LINGO2: variants seen among roughly 807,000 people sequenced by gnomAD.
LINGO2 encodes leucine-rich repeat and immunoglobulin-like domain-containing nogo receptor-interacting protein 2.
A neutral mutation model predicts 30.6 loss-of-function variants in LINGO2; 14 were observed. That is an observed-to-expected ratio of 0.46 (90% CI 0.30 to 0.72). LINGO2 has a LOEUF of 0.72. Among genes scored for constraint, LINGO2 ranks in the 30% least tolerant of loss-of-function variants. The probability of loss-of-function intolerance (pLI) is 0.07; values close to 1 mark genes in which losing one functional copy is unlikely to be tolerated. For synonymous variants in LINGO2, 317 were observed against 288.5 expected (o/e 1.10, Z -1.00); for missense variants, 729 against 751.7 (o/e 0.97, Z 0.35).
At chr9:28,377,658 G>A (rs985496008) in intron 2 of LINGO2, among the ~76,000 whole-genome samples, 2 of 152,060 alleles carry the variant, frequency 1.3e-5, no homozygotes, top group African/African-American at 4.8e-5. Flanking sequence ...CTCATTCCAA[G>A]GTTACTGTGA....
chr9:28,268,122 A>G (rs894958908), intron 4 of LINGO2, among the ~76,000 whole-genome samples: 6 of 152,062 alleles, frequency 3.9e-5, no homozygotes, highest in Non-Finnish European at 5.9e-5. Flanking sequence ...GCATATAGGC[A>G]CTTTAAAAAT....
chr9:28,981,543 G>A, the LINGO2 span, among the ~76,000 whole-genome samples: 1 of 152,064 alleles, frequency 6.6e-6, no homozygotes, highest in Non-Finnish European at 1.5e-5. Flanking sequence ...CACCAAGCAA[G>A]TCTCACTTTG....
chr9:27,966,292 A>C (rs978342199), intron 5 of LINGO2, among the ~76,000 whole-genome samples: 1 of 152,158 alleles, frequency 6.6e-6, no homozygotes, highest in African/African-American at 2.4e-5. Flanking sequence ...TCAGGGCAAA[A>C]ATTCCTGCTA....
At chr9:28,035,736 C>T (rs190858272) in intron 4 of LINGO2, among the ~76,000 whole-genome samples, 26 of 152,268 alleles carry the variant, frequency 1.7e-4, no homozygotes, top group African/African-American at 5.8e-4. Flanking sequence ...GAGCTGACAT[C>T]ATTGTAGGGG....
chr9:28,930,501 T>C, the LINGO2 span, among the ~76,000 whole-genome samples: 1 of 152,310 alleles, frequency 6.6e-6, no homozygotes, highest in Non-Finnish European at 1.5e-5. The surrounding 1 kb of genome is among the most constrained non-coding windows in gnomAD (Gnocchi z 4.2). Context: ...GACTATGTGA[T>C]AAGAATTTAA....
At position 28,430,109 on chromosome 9, in the gene LINGO2, C is replaced by CGCGCGT. The variant is rs569701444; in HGVS notation, c.-279+45830_-279+45831insACGCGC. Among the ~76,000 whole-genome samples, 32 of 136,202 alleles carry CGCGCGT rather than the reference C, an allele frequency of 2.3e-4. 1 individual carries two copies. The highest frequency in any genetic ancestry group is 4.2e-4 in the African/African-American group (16 of 38,072). 89.4% of individuals were successfully genotyped at this position (136,202 alleles called of 152,430 possible). A position where few individuals can be genotyped will look rare whatever the true frequency, so the allele number is the denominator to read the frequency against. On this transcript the variant is annotated intron_variant, in intron 2 of 5. Coordinates refer to ENST00000379992, the Ensembl canonical transcript of LINGO2. Reference sequence around the variant, plus strand: ...AGGCTGATTTCCACGCGCGCGCGCGCGTGTGTGTGTGTGTGTGTGTGATTC... The same window carrying CGCGCGT: ...AGGCTGATTTCCACGCGCGCGCGCGCGCGCGTGTGTGTGTGTGTGTGTGTGTGATTC...
chr9:28,862,171 A>C, the LINGO2 span, among the ~76,000 whole-genome samples: 1 of 152,102 alleles, frequency 6.6e-6, no homozygotes, highest in Admixed American at 6.6e-5. Context: ...ACACATCAGC[A>C]AAGTAGCACC....
At chr9:28,482,605 CT>C in intron 1 of LINGO2, among the ~76,000 whole-genome samples, 1 of 152,186 alleles carries the variant, frequency 6.6e-6, no homozygotes, top group African/African-American at 2.4e-5. Flanking sequence ...GTTTCTTTTG[CT>C]GTGCAGAAGC....
chr9:28,226,405 C>T (rs1821144702), intron 4 of LINGO2, among the ~76,000 whole-genome samples: 2 of 151,940 alleles, frequency 1.3e-5, no homozygotes, highest in Non-Finnish European at 2.9e-5. Context: ...TATATACCTC[C>T]ATTACAGTAT....
At chr9:29,126,856 C>A in the LINGO2 span, among the ~76,000 whole-genome samples, 1 of 152,028 alleles carries the variant, frequency 6.6e-6, no homozygotes, top group Non-Finnish European at 1.5e-5. Context: ...AAAGGAAAAC[C>A]TCAACTTTCC....
At chr9:28,863,500 A>G in the LINGO2 span, 1 of 401,738 alleles carries the variant, frequency 2.5e-6, no homozygotes, top group Non-Finnish European at 5.2e-6. Flanking sequence ...AAATAGAAGG[A>G]TTCTAGAGTA....
intron 4 of LINGO2, among the ~76,000 whole-genome samples, chr9:28,193,522 C>T (rs1819895996): frequency 6.6e-6 from 1 of 152,068 alleles, no homozygotes. Flanking sequence ...CTAATAGATA[C>T]ATTCTCAGAA....
intron 1 of LINGO2, among the ~76,000 whole-genome samples, chr9:28,519,815 T>C (rs1327548767): frequency 6.6e-6 from 1 of 152,144 alleles, no homozygotes; most frequent in Non-Finnish European, 1.5e-5. Context: ...AAATTTCCCA[T>C]TTATGGATCA....
intron 4 of LINGO2, among the ~76,000 whole-genome samples, chr9:28,179,278 C>G (rs1241727748): frequency 6.9e-6 from 1 of 145,178 alleles, no homozygotes; most frequent in African/African-American, 2.5e-5. Flanking sequence ...TATAAAAATA[C>G]TATATATATA....
At chr9:28,039,493 G>T (rs757532946) in intron 4 of LINGO2, among the ~76,000 whole-genome samples, 1 of 152,066 alleles carries the variant, frequency 6.6e-6, no homozygotes, top group Non-Finnish European at 1.5e-5. Context: ...TGCCTTGAAG[G>T]ATGAGTGTAA....
chr9:29,109,947 G>A, the LINGO2 span, among the ~76,000 whole-genome samples: 1 of 152,174 alleles, frequency 6.6e-6, no homozygotes, highest in Non-Finnish European at 1.5e-5. Context: ...GGTGTAAAAC[G>A]AAGGTCATTC....
At chr9:28,540,832 A>C (rs1821660273) in intron 1 of LINGO2, among the ~76,000 whole-genome samples, 1 of 152,182 alleles carries the variant, frequency 6.6e-6, no homozygotes, top group Admixed American at 6.6e-5. Flanking sequence ...TTGTCATTAC[A>C]ATGTCATAAG....
intron 4 of LINGO2, among the ~76,000 whole-genome samples, chr9:28,215,203 A>C (rs1451756190): frequency 2.6e-5 from 4 of 151,860 alleles, no homozygotes; most frequent in African/African-American, 9.7e-5. Flanking sequence ...TATAGCTATG[A>C]TATCTAACAA....
the LINGO2 span, among the ~76,000 whole-genome samples, chr9:28,883,464 G>C: frequency 1.3e-5 from 2 of 151,368 alleles, no homozygotes; most frequent in African/African-American, 4.9e-5. Context: ...TAATTCGTCA[G>C]ATATCAGATC....
Sources: gnomAD v4.1 joint callset for allele counts (sites outside exome capture counted in the v4.1 genomes callset) on GRCh38, gnomAD v4.1.1 for gene constraint, Gnocchi (gnomAD v3.1) non-coding constraint, MANE v1.5 for transcripts, NCBI Gene and HGNC (gene_info 2026-07-23, HGNC 2026-07-21) for gene names.